TSC22D3: variants seen among roughly 807,000 people sequenced by gnomAD.
TSC22D3 encodes TSC22 domain family protein 3.
TSC22D3 carries 4 observed loss-of-function variants against 11.1 expected under a neutral mutation model. That is an observed-to-expected ratio of 0.36 (90% CI 0.18 to 0.83). TSC22D3 has a LOEUF of 0.83. Among genes scored for constraint, TSC22D3 ranks in the 40% least tolerant of loss-of-function variants. TSC22D3 has a pLI of 0.48. For missense variants in TSC22D3, 118 were observed against 159.4 expected, an observed-to-expected ratio of 0.74 and a Z score of 1.40; for synonymous variants, 77 against 70.3, an observed-to-expected ratio of 1.10 and a Z score of -0.48.
At chrX:107,716,066 G>T (rs1927001161) in intron 1 of TSC22D3, 116 bp from the exon 2 acceptor site, 4 of 838,114 alleles carry the variant, frequency 4.8e-6, no homozygotes, top group Admixed American at 5.5e-5. Context: ...TCTCCTTCTC[G>T]CCTCCCTGGC....
intron 1 of TSC22D3, among the ~76,000 whole-genome samples, chrX:107,720,125 C>A (rs1251784728): frequency 9.2e-6 from 1 of 109,285 alleles, no homozygotes; most frequent in African/African-American, 3.4e-5. Context: ...TAATTAACTC[C>A]TTTTTCCCCC....
In TSC22D3 at chrX:107,749,137, C is replaced by A. The variant is rs985546990; in HGVS notation, c.320+25963G>T. On this transcript the variant is annotated intron_variant, in intron 1 of 2. Coordinates refer to ENST00000372383, the MANE Select transcript of TSC22D3 (RefSeq NM_198057.3). The stretch of plus-strand genomic sequence containing the variant: ...ATCACCTGATGTCAGGAGTTCAAGA[C>A]CAGCCTGGCCAACATGGTGAAACCC... 1.4e-3 allele frequency among the ~76,000 whole-genome samples: 148 copies of A among 107,471 alleles called. 1 individual carries two copies. The highest frequency in any genetic ancestry group is 2.4e-3 in the Non-Finnish European group (124 of 52,146). The allele number at this position is 107,471 out of a possible 115,157, so 93.3% of individuals were successfully genotyped here. A position where few individuals can be genotyped will look rare whatever the true frequency, so the allele number is the denominator to read the frequency against.
At chrX:107,754,210 G>A (rs1484354275) in intron 1 of TSC22D3, among the ~76,000 whole-genome samples, 2 of 110,864 alleles carry the variant, frequency 1.8e-5, no homozygotes, top group Non-Finnish European at 3.8e-5. Flanking sequence ...GAGCCACCGC[G>A]CCTGGCCTAT....
At chrX:107,757,764 G>T (rs1929243032) in intron 1 of TSC22D3, among the ~76,000 whole-genome samples, 1 of 110,534 alleles carries the variant, frequency 9.0e-6, no homozygotes, top group African/African-American at 3.3e-5. Flanking sequence ...GGACCCTAAG[G>T]GTTCTTTGAA....
rs143913141 is a variant in TSC22D3 at position 107,737,434 on chromosome X, G to A, written c.321-21484C>T. Among the ~76,000 whole-genome samples the A allele has an allele frequency of 2.3e-3, 260 of 111,600 alleles. 1 individual carries two copies. Among genetic ancestry groups the A allele is most frequent in the Non-Finnish European group, 3.8e-3 (199 of 53,055 alleles). On this transcript the variant is annotated intron_variant, in intron 1 of 2. Coordinates refer to ENST00000372383, the MANE Select transcript of TSC22D3 (RefSeq NM_198057.3). ...GAAAGCCAATTAGACACCACCATGG[G>A]GTCTTCCTGCACTGGGAAGTGTCTG...
chrX:107,736,255 G>A (rs924997507), intron 1 of TSC22D3, among the ~76,000 whole-genome samples: 6 of 111,471 alleles, frequency 5.4e-5, no homozygotes, highest in African/African-American at 2.0e-4. Flanking sequence ...CCTCTCACTT[G>A]AATGAGGTAC....
intron 2 of TSC22D3, chrX:107,715,691 A>G: frequency 2.1e-6 from 1 of 479,386 alleles, no homozygotes; most frequent in Non-Finnish European, 3.7e-6. Context: ...GGGAGGAAGA[A>G]AGGAGGGAGC....
intron 1 of TSC22D3, among the ~76,000 whole-genome samples, chrX:107,774,626 G>T (rs1930052161): frequency 8.9e-6 from 1 of 111,790 alleles, no homozygotes; most frequent in African/African-American, 3.3e-5. Flanking sequence ...AGTTTAATTT[G>T]TCTTGACATT....
chrX:107,746,162 G>A (rs1470656478), intron 1 of TSC22D3, among the ~76,000 whole-genome samples: 2 of 111,426 alleles, frequency 1.8e-5, no homozygotes, highest in East Asian at 5.6e-4. Context: ...AGTCACCCCC[G>A]CTTTGTTGGA....
At chrX:107,739,546 T>G (rs1190237611) in intron 1 of TSC22D3, among the ~76,000 whole-genome samples, 1 of 112,068 alleles carries the variant, frequency 8.9e-6, no homozygotes, top group Admixed American at 9.4e-5. Context: ...TGTTGGAGCA[T>G]AGGTGAGGTT....
intron 1 of TSC22D3, among the ~76,000 whole-genome samples, chrX:107,765,869 G>T (rs1161833759): frequency 8.9e-6 from 1 of 111,907 alleles, no homozygotes; most frequent in Non-Finnish European, 1.9e-5. Context: ...GGGACTAAGG[G>T]TGCCAAGCTC....
intron 1 of TSC22D3, among the ~76,000 whole-genome samples, chrX:107,755,289 T>A (rs747988561): frequency 8.9e-6 from 1 of 112,490 alleles, no homozygotes; most frequent in African/African-American, 3.2e-5. Flanking sequence ...CTGGAATGTA[T>A]GAACAAAGGA....
Position 107,714,588 on chromosome X carries a change from A to G in TSC22D3, c.534T>C (p.Cys178=). ...SPEQLEKFQS[C]LSPEEPAPES... The stretch of plus-strand genomic sequence containing the variant: ...CGGGAGCTGGCTCTTCAGGGCTCAG[A>G]CAGGACTGGAACTTCTCCAGCTGCT... Residue 178 remains cysteine (C), a synonymous_variant, in exon 3 of 3, where the codon TGT becomes TGC. Coordinates refer to ENST00000372383, the MANE Select transcript of TSC22D3 (RefSeq NM_198057.3). 1 of 1,211,596 alleles carries G rather than the reference A, an allele frequency of 8.3e-7. No individual in the cohort carries two copies. The highest frequency in any genetic ancestry group is 1.1e-6 in the Non-Finnish European group (1 of 895,449).
chrX:107,739,758 T>C (rs956411769), intron 1 of TSC22D3, among the ~76,000 whole-genome samples: 5 of 112,579 alleles, frequency 4.4e-5, no homozygotes, highest in African/African-American at 1.6e-4. Flanking sequence ...TGCCTCAGGC[T>C]CTTGACTTCT....
intron 1 of TSC22D3, among the ~76,000 whole-genome samples, chrX:107,727,091 G>C (rs952547522): frequency 1.8e-5 from 2 of 111,429 alleles, no homozygotes; most frequent in African/African-American, 6.5e-5. Flanking sequence ...AGCACGATTG[G>C]GAGATAACCC....
chrX:107,757,419 T>C (rs1929227338), intron 1 of TSC22D3, among the ~76,000 whole-genome samples: 1 of 112,119 alleles, frequency 8.9e-6, no homozygotes, highest in Admixed American at 9.4e-5. Flanking sequence ...AGGTCTCCCC[T>C]GAACATCCAT....
intron 1 of TSC22D3, among the ~76,000 whole-genome samples, chrX:107,754,222 A>G (rs1277870464): frequency 3.6e-5 from 4 of 111,310 alleles, no homozygotes; most frequent in Non-Finnish European, 7.5e-5. Flanking sequence ...CTGGCCTATC[A>G]TGGTGCAATT....
At chrX:107,727,620 C>T (rs1005673659) in intron 1 of TSC22D3, among the ~76,000 whole-genome samples, 3 of 111,542 alleles carry the variant, frequency 2.7e-5, no homozygotes, top group African/African-American at 6.5e-5. Context: ...AAAAGGGCTA[C>T]GTGAATGTGA....
rs1173611482 is a variant in TSC22D3, at chrX:107,727,500, A to AT, written c.321-11551dup. Among the ~76,000 whole-genome samples, 536 of 104,795 alleles carry AT rather than the reference A, an allele frequency of 5.1e-3. 2 individuals carry two copies. The highest frequency in any genetic ancestry group is 0.014 in the African/African-American group (409 of 28,930). The allele number at this position is 104,795 out of a possible 115,157, so 91.0% of individuals were successfully genotyped here. A position where few individuals can be genotyped will look rare whatever the true frequency, so the allele number is the denominator to read the frequency against. On this transcript the variant is annotated intron_variant, in intron 1 of 2. Coordinates refer to ENST00000372383, the MANE Select transcript of TSC22D3 (RefSeq NM_198057.3). ...GAAACATAAACAAATCATTTTATTT[A>AT]TTTTTTTTTTTTACAGATTAAAGAT...
Sources: gnomAD v4.1 joint callset for allele counts (sites outside exome capture counted in the v4.1 genomes callset) on GRCh38, gnomAD v4.1.1 for gene constraint, MANE v1.5 for transcripts, NCBI Gene and HGNC (gene_info 2026-07-23, HGNC 2026-07-21) for gene names.